TLCD3B: variants seen among roughly 807,000 people sequenced by gnomAD.
TLCD3B encodes the protein ceramide synthase.
A neutral mutation model predicts 23.0 loss-of-function variants in TLCD3B; 9 were observed. The observed-to-expected ratio is 0.39, with a 90% CI of 0.24 to 0.68. The LOEUF (loss-of-function observed/expected upper bound fraction) is 0.68, where lower values mean the gene tolerates loss of function less well. Among genes scored for constraint, TLCD3B ranks in the 30% least tolerant of loss-of-function variants. TLCD3B has a pLI of 0.44. For synonymous variants in TLCD3B, 161 were observed against 161.0 expected (o/e 1.00, Z 0.00); for missense variants, 307 against 371.8 (o/e 0.83, Z 1.43).
At chr16:30,040,147 A>AAAATATATATATATATATATATATAT in intron 3 of TLCD3B, among the ~76,000 whole-genome samples, 3 of 95,908 alleles carry the variant, frequency 3.1e-5, no homozygotes, top group African/African-American at 1.3e-4. Context: ...AAAAAAAAAA[A>AAAATATATATATATATATATATATAT]ATATATATAT....
chr16:30,042,415 G>A (rs928905361), intron 2 of TLCD3B, among the ~76,000 whole-genome samples: 1 of 151,842 alleles, frequency 6.6e-6, no homozygotes, highest in African/African-American at 2.4e-5. Flanking sequence ...GTAGAGACGG[G>A]GTTTCACCAT....
rs183145625 is a variant in TLCD3B, at chr16:30,038,351, C to T, written c.-66-2137G>A. ...CCTGTAGTACCAGCACTTTGGGAGG[C>T]CAAGGCAAGAGGATCACTTGAGGAC... On this transcript the variant is annotated intron_variant, in intron 3 of 6. Coordinates refer to the TLCD3B transcript ENST00000561666. 5.6e-3 allele frequency among the ~76,000 whole-genome samples: 848 copies of T among 152,166 alleles called. 4 individuals are homozygous for T. Among genetic ancestry groups the T allele is most frequent in the Middle Eastern group, 0.017 (5 of 294 alleles).
At chr16:30,045,092 CAAAAAAAAAAAAAAAA>C (rs1162281544) in intron 2 of TLCD3B, among the ~76,000 whole-genome samples, 1 of 22,226 alleles carries the variant, frequency 4.5e-5, no homozygotes, top group Non-Finnish European at 7.4e-5. Flanking sequence ...GACTCCATCT[CAAAAAAAAAAAAAAAA>C]AAAAAAAAAA....
chr16:30,046,982 A>G (rs1252508546), intron 1 of TLCD3B, among the ~76,000 whole-genome samples: 1 of 152,176 alleles, frequency 6.6e-6, no homozygotes, highest in East Asian at 1.9e-4. Context: ...ATATTTAGAG[A>G]TGAGATCTCG....
At position 30,030,425 on chromosome 16, in the gene TLCD3B, C is replaced by T. The variant is rs1255326559; in HGVS notation, c.103G>A (p.Asp35Asn). 17 of 1,594,690 alleles carry T rather than the reference C, an allele frequency of 1.1e-5. No individual in the cohort carries two copies. The highest frequency in any genetic ancestry group is 3.4e-5 in the South Asian group (3 of 88,768). ...RLPQLRWEEADAVIVSARLVS... is the reference protein window; with the variant it reads ...RLPQLRWEEANAVIVSARLVS... ...TACCTGGCTGAGACAATGACTGCGT[C>T]GGCCTCCTCCCAGCGTAGCTGGGGC... The change falls in exon 1 of 5, where the codon GAC becomes AAC. Residue 35 changes from aspartate to asparagine, a missense_variant. By Grantham distance (23) the Asp-to-Asn change is conservative. Coordinates refer to ENST00000380495, the MANE Select transcript of TLCD3B (RefSeq NM_031478.6).
chr16:30,052,885 C>G (rs1477330893), exon 1 of TLCD3B: 2 of 152,114 alleles, frequency 1.3e-5, no homozygotes, highest in African/African-American at 4.8e-5. Flanking sequence ...TGTGGCGCCC[C>G]AGAACCCGGT....
At chr16:30,030,258 A>G in intron 1 of TLCD3B, 145 bp downstream of exon 1, 1 of 1,125,816 alleles carries the variant, frequency 8.9e-7, no homozygotes, top group Non-Finnish European at 1.3e-6. Flanking sequence ...CAGTGAGGAG[A>G]GAGGAAGCCT....
chr16:30,029,574 T>A lies in TLCD3B; in HGVS notation c.126-59A>T. 7.2e-7 allele frequency: 1 copy of A among 1,394,828 alleles called. No homozygotes were observed. Among genetic ancestry groups the A allele is most frequent in the Non-Finnish European group, 1.0e-6 (1 of 990,440 alleles). The allele number at this position is 1,394,828 out of a possible 1,614,324, so 86.4% of individuals were successfully genotyped here. A position where few individuals can be genotyped will look rare whatever the true frequency, so the allele number is the denominator to read the frequency against. ...GAAGGGAAGAGGCGTGTGCCTTGAT[T>A]TCTCCTCGTTGCTAGTCTAACGACT... On this transcript the variant is annotated intron_variant, in intron 1 of 4. Coordinates refer to ENST00000380495, the MANE Select transcript of TLCD3B (RefSeq NM_031478.6). This position sits in a 1 kb window ranked among gnomAD's most constrained non-coding sequence, Gnocchi z 4.6.
chr16:30,047,763 A>ATTT (rs538919957), intron 1 of TLCD3B, among the ~76,000 whole-genome samples: 1,794 of 145,092 alleles, frequency 0.012, 26 homozygotes, highest in African/African-American at 0.04. Context: ...GTGGCCTATA[A>ATTT]TTTTTTTTTT....
chr16:30,034,706 C>G (rs2071433052), upstream of TLCD3B, among the ~76,000 whole-genome samples: 1 of 152,154 alleles, frequency 6.6e-6, no homozygotes, highest in Non-Finnish European at 1.5e-5. Context: ...CTATATCATC[C>G]CTGCAGAGCC....
At chr16:30,036,540 CGAGGCTGCTCTGTA>C in intron 3 of TLCD3B, 1 of 633,150 alleles carries the variant, frequency 1.6e-6, no homozygotes. Flanking sequence ...TGCAAAGGCA[CGAGGCTGCTCTGTA>C]GAGGCAGTTG....
intron 2 of TLCD3B, among the ~76,000 whole-genome samples, chr16:30,042,373 A>AGGTGTGTG (rs2071592448): frequency 6.6e-6 from 1 of 151,726 alleles, no homozygotes; most frequent in Non-Finnish European, 1.5e-5. Flanking sequence ...CAAGGCGCCC[A>AGGTGTGTG]CCACCACACC....
upstream of TLCD3B, chr16:30,035,455 C>T (rs576105167): frequency 7.8e-7 from 1 of 1,289,570 alleles, no homozygotes; most frequent in African/African-American, 1.5e-5. Context: ...AGACGCAACC[C>T]ACTGCGAACA....
rs771964979 is a variant in TLCD3B at position 30,025,332 on chromosome 16, C to T, written c.676G>A (p.Val226Met). The T allele has an allele frequency of 4.4e-6, 7 of 1,578,160 alleles. No individual in the cohort carries two copies. Among genetic ancestry groups the T allele is most frequent in the South Asian group, 2.3e-5 (2 of 87,520 alleles). ...GRHAGLPLLA[V>M]PLAIPAHVNL... ...ACGTGGGCAGGGATGGCCAGGGGCACGGCCAGCAGGGGCAGGCCGGCATGG... is the reference window on the plus strand; with the variant it reads ...ACGTGGGCAGGGATGGCCAGGGGCATGGCCAGCAGGGGCAGGCCGGCATGG... Residue 226 changes from valine (V) to methionine (M), a missense_variant, in exon 5 of 5, where the codon GTG (valine) becomes ATG (methionine). By Grantham distance (21) the Val-to-Met change is conservative. Transcript: ENST00000380495. The surrounding 1 kb of genome is among the most constrained non-coding windows in gnomAD (Gnocchi z 4.1).
Position 30,024,973 on chromosome 16 carries a change from T to C in TLCD3B, c.*210A>G. ...CCCCTCCCCTCCTCCAGCGCAAGGG[T>C]GTGCAGGAAGGGGGCAGAGTAGGGG... is the stretch of plus-strand genomic sequence containing the variant. On this transcript the variant is annotated 3_prime_UTR_variant, in exon 5 of 5. Coordinates refer to ENST00000380495, the MANE Select transcript of TLCD3B (RefSeq NM_031478.6). 2.0e-6 allele frequency: 1 copy of C among 495,462 alleles called. No homozygotes were observed. The highest frequency in any genetic ancestry group is 3.5e-6 in the Non-Finnish European group (1 of 284,366). The allele number at this position is 495,462 out of a possible 1,614,324, so 30.7% of individuals were successfully genotyped here. A position where few individuals can be genotyped will look rare whatever the true frequency, so the allele number is the denominator to read the frequency against.
chr16:30,030,396 GGTTTACCT>G lies in TLCD3B; in HGVS notation c.124_125+6del. The G allele has an allele frequency of 1.3e-6, 2 of 1,562,884 alleles. No homozygotes were observed. Among genetic ancestry groups the G allele is most frequent in the Non-Finnish European group, 1.7e-6 (2 of 1,157,426 alleles). Reference sequence around the variant, plus strand: ...GACAGGGGCTGAGGGGAAAGAAAGTGGTTTACCTGGCTGAGACAATGACTGCGTCGGCC... The same window carrying G: ...GACAGGGGCTGAGGGGAAAGAAAGTGGGCTGAGACAATGACTGCGTCGGCC... On this transcript the variant is annotated splice_donor_variant and splice_donor_5th_base_variant and coding_sequence_variant and intron_variant, in exon 1 of 5. Transcript: ENST00000380495. LOFTEE classifies it high-confidence loss of function.
At chr16:30,045,672 G>A (rs1731807934) in intron 2 of TLCD3B, among the ~76,000 whole-genome samples, 1 of 141,722 alleles carries the variant, frequency 7.1e-6, no homozygotes, top group Non-Finnish European at 1.5e-5. Flanking sequence ...TGGTGTGTGT[G>A]TTGATGTGTT....
Position 30,024,580 on chromosome 16 carries a change from C to T in TLCD3B, c.*603G>A. Reference sequence around the variant, plus strand: ...GTGCAGCCGATGGTGAGGGACTGGGCGCCCTCGCCTGCCCCCGGGGTTGTC... The same window carrying T: ...GTGCAGCCGATGGTGAGGGACTGGGTGCCCTCGCCTGCCCCCGGGGTTGTC... On this transcript the variant is annotated 3_prime_UTR_variant, in exon 5 of 5. Transcript: ENST00000380495. 1 of 331,614 alleles carries T rather than the reference C, an allele frequency of 3.0e-6. No homozygotes were observed. The highest frequency in any genetic ancestry group is 5.5e-6 in the Non-Finnish European group (1 of 180,712). 20.5% of individuals were successfully genotyped at this position (331,614 alleles called of 1,614,324 possible). A position where few individuals can be genotyped will look rare whatever the true frequency, so the allele number is the denominator to read the frequency against.
chr16:30,053,024 A>C (rs901355552), upstream of TLCD3B: 136 of 152,414 alleles, frequency 8.9e-4, no homozygotes, highest in Non-Finnish European at 1.4e-3. Context: ...TGACAGTTGA[A>C]GCTTAGGCGG....
Sources: allele counts gnomAD v4.1 joint callset (sites outside exome capture counted in the v4.1 genomes callset), GRCh38; gene constraint gnomAD v4.1.1; non-coding constraint Gnocchi (gnomAD v3.1); transcripts MANE v1.5; gene names NCBI Gene and HGNC (gene_info 2026-07-23, HGNC 2026-07-21).